The following HPX variants were observed in gnomAD, a reference collection of about 807,000 sequenced individuals.
The protein encoded by HPX is hemopexin, also known as beta-1B-glycoprotein.
In HPX, 42 loss-of-function variants were observed where a neutral mutation model predicts 53.8. That is an observed-to-expected ratio of 0.78 (90% CI 0.61 to 1.01). The LOEUF (loss-of-function observed/expected upper bound fraction) is 1.01. HPX is among the 50% of genes least tolerant of loss of function. The probability of loss-of-function intolerance (pLI) is 0.00; values close to 1 mark genes in which losing one functional copy is unlikely to be tolerated. For synonymous variants in HPX, 229 were observed against 221.1 expected, an observed-to-expected ratio of 1.04 and a Z score of -0.32; for missense variants, 547 against 594.3, an observed-to-expected ratio of 0.92 and a Z score of 0.83.
In HPX at chr11:6,431,702, G is replaced by T; in HGVS notation, c.1068C>A (p.Ile356=). 2 of 1,614,158 alleles carry T rather than the reference G, an allele frequency of 1.2e-6. No homozygotes were observed. The highest frequency in any genetic ancestry group is 1.7e-6 in the Non-Finnish European group (2 of 1,180,016). ...EKEVGTPHGI[I]LDSVDAAFIC... ...TAAAGGCCGCATCCACAGAGTCCAG[G>T]ATAATCCCATGAGGGGTCCCGACTT... The change falls in exon 9 of 10, where the codon ATC becomes ATA. Residue 356 remains isoleucine, a synonymous_variant. Transcript: ENST00000265983.
intron 4 of HPX, 66 bp from the exon 5 acceptor site, chr11:6,438,575 CA>C (rs1849447061): frequency 7.1e-7 from 1 of 1,404,672 alleles, no homozygotes; most frequent in Non-Finnish European, 1.0e-6. Flanking sequence ...CATTTACACA[CA>C]TTTTTTATCT....
Position 6,437,453 on chromosome 11 carries a change from G to T in HPX, c.690C>A (p.Pro230=). Residue 230 remains proline (P), a synonymous_variant, in exon 6 of 10, where the codon CCC becomes CCA. Transcript: ENST00000265983. The part of the protein sequence containing the change: ...YPRDVRDYFM[P]CPGRGHGHRN... ...GGGCTTTCTCACCTCTGCCAGGGCA[G>T]GGCATGAAGTAGTCTCGGACATCCC... The T allele has an allele frequency of 6.2e-7, 1 of 1,613,508 alleles. No homozygotes were observed. The highest frequency in any genetic ancestry group is 1.1e-5 in the South Asian group (1 of 91,054).
rs1849354976 is a variant in HPX at position 6,431,897 on chromosome 11, T to C, written c.956A>G (p.Tyr319Cys). The part of the protein sequence containing the change: ...DAAFSWEEKL[Y>C]LVQGTQVYVF... ...TCCCCCAATACACACCTGGACCAGA[T>C]AGAGTTTTTCTTCCCAGGAAAAGGC... The change falls in exon 8 of 10, where the codon TAT becomes TGT. Residue 319 changes from tyrosine to cysteine, a missense_variant. By Grantham distance (194) the Tyr-to-Cys change is radical. Coordinates refer to ENST00000265983, the MANE Select transcript of HPX (RefSeq NM_000613.3). 3.1e-6 allele frequency: 5 copies of C among 1,613,994 alleles called. No individual in the cohort carries two copies. The highest frequency in any genetic ancestry group is 4.2e-6 in the Non-Finnish European group (5 of 1,180,006).
In HPX at chr11:6,440,280, A is replaced by G; in HGVS notation, c.221T>C (p.Phe74Ser). The G allele has an allele frequency of 6.2e-7, 1 of 1,613,786 alleles. No homozygotes were observed. The highest frequency in any genetic ancestry group is 8.5e-7 in the Non-Finnish European group (1 of 1,180,010). The change falls in exon 4 of 10, where the codon TTT (phenylalanine) becomes TCT (serine). Residue 74 changes from phenylalanine (F) to serine (S), a missense_variant. Physicochemically the swap from Phe to Ser is radical, Grantham distance 155. Coordinates refer to ENST00000265983, the MANE Select transcript of HPX (RefSeq NM_000613.3). ...GTCCCATTTGTGACTCTTCCACACA[A>G]ACTCCCCTGAAAAAACCCACACTCA... ...NGTMLFFKGE[F>S]VWKSHKWDRE... is the part of the protein sequence containing the mutation.
rs138045547 is a variant in HPX at position 6,437,071 on chromosome 11, G to T, written c.810C>A (p.Asn270Lys). 1 of 1,614,092 alleles carries T rather than the reference G, an allele frequency of 6.2e-7. No homozygotes were observed. The highest frequency in any genetic ancestry group is 1.3e-5 in the African/African-American group (1 of 74,924). Reference sequence around the variant, plus strand: ...CACTGAAGGCATAGGTGGCACCATGGTTGTCAGACGTCAGTGCAGACAAGA... The same window carrying T: ...CACTGAAGGCATAGGTGGCACCATGTTTGTCAGACGTCAGTGCAGACAAGA... ...HLVLSALTSD[N>K]HGATYAFSGT... The change falls in exon 7 of 10, where the codon AAC becomes AAA. Residue 270 changes from asparagine (N) to lysine (K), a missense_variant. Transcript: ENST00000265983.
rs759224724 is a variant in HPX, at chr11:6,440,557, G to A, written c.143-19C>T. The A allele has an allele frequency of 2.6e-6, 2 of 775,142 alleles. No homozygotes were observed. Among genetic ancestry groups the A allele is most frequent in the East Asian group, 7.3e-5 (2 of 27,364 alleles). 48.0% of individuals were successfully genotyped at this position (775,142 alleles called of 1,614,324 possible). On this transcript the variant is annotated intron_variant, in intron 2 of 9. Coordinates refer to ENST00000265983, the MANE Select transcript of HPX (RefSeq NM_000613.3). ...CAGCGTTCTGGGGTGGAGGTAGGGA[G>A]ATGGCAAAGTAAAAAAAAAAAAAAA...
Position 6,431,636 on chromosome 11 carries a change from C to T in HPX, c.1129+5G>A. The T allele has an allele frequency of 6.2e-7, 1 of 1,613,340 alleles. No individual in the cohort carries two copies. Among genetic ancestry groups the T allele is most frequent in the Non-Finnish European group, 8.5e-7 (1 of 1,180,004 alleles). Reference sequence around the variant, plus strand: ...CTGCCCTCTAAGCACCCAGAAGCCCCTCACCTGCCATGATATGGAGCCGAG... The same window carrying T: ...CTGCCCTCTAAGCACCCAGAAGCCCTTCACCTGCCATGATATGGAGCCGAG... On this transcript the variant is annotated splice_donor_5th_base_variant and intron_variant, in intron 9 of 9. Coordinates refer to ENST00000265983, the MANE Select transcript of HPX (RefSeq NM_000613.3).
At position 6,440,567 on chromosome 11, in the gene HPX, T is replaced by TAAAAAAAAAAA. The variant is rs71056749; in HGVS notation, c.143-40_143-30dup. On this transcript the variant is annotated intron_variant, in intron 2 of 9. Transcript: ENST00000265983. The stretch of plus-strand genomic sequence containing the variant: ...GGGTGGAGGTAGGGAGATGGCAAAG[T>TAAAAAAAAAAA]AAAAAAAAAAAAAAAAAAAAAAAAA... The TAAAAAAAAAAA allele has an allele frequency of 3.4e-5, 20 of 591,194 alleles. 1 individual carries two copies. The African/African-American group carries it at 3.9e-4, about 12-fold the overall frequency. The allele number at this position is 591,194 out of a possible 1,614,324, so 36.6% of individuals were successfully genotyped here. A position where few individuals can be genotyped will look rare whatever the true frequency, so the allele number is the denominator to read the frequency against.
intron 7 of HPX, among the ~76,000 whole-genome samples, chr11:6,433,020 A>G (rs762086446): frequency 2.0e-5 from 3 of 152,074 alleles, no homozygotes; most frequent in Non-Finnish European, 4.4e-5. Context: ...AAAACCTAAT[A>G]TGCCCAAACT....
chr11:6,437,705 T>C, intron 5 of HPX, 53 bp from the exon 6 acceptor site: 1 of 1,462,934 alleles, frequency 6.8e-7, no homozygotes, highest in Admixed American at 1.7e-5. Flanking sequence ...CGCCCTCCTT[T>C]GTGCTTTCTC....
At position 6,440,694 on chromosome 11, in the gene HPX, G is replaced by C. The variant is rs147342868; in HGVS notation, c.120C>G (p.Thr40=). 135 of 1,613,394 alleles carry C rather than the reference G, an allele frequency of 8.4e-5. No homozygotes were observed. The highest frequency in any genetic ancestry group is 8.2e-4 in the Middle Eastern group (5 of 6,080). ...CACCAGTCACGTCTGGGTCTGGCTT[G>C]GTCTCGCCTTCAGCAACATTCCCAT... ...SAHGNVAEGE[T]KPDPDVTERC... Residue 40 remains threonine (T), a synonymous_variant, in exon 2 of 10, where the codon ACC becomes ACG. Coordinates refer to ENST00000265983, the MANE Select transcript of HPX (RefSeq NM_000613.3).
At chr11:6,439,823 T>G in intron 4 of HPX, 1 of 357,596 alleles carries the variant, frequency 2.8e-6, no homozygotes, top group Non-Finnish European at 5.5e-6. Flanking sequence ...TGCCATTGTG[T>G]TGGGAACAAC....
rs1273599890 is a variant in HPX at position 6,440,541 on chromosome 11, G to C, written c.143-3C>G. 5.5e-6 allele frequency: 8 copies of C among 1,462,820 alleles called. No individual in the cohort carries two copies. The highest frequency in any genetic ancestry group is 7.5e-6 in the Non-Finnish European group (8 of 1,061,468). 90.6% of individuals were successfully genotyped at this position (1,462,820 alleles called of 1,614,324 possible). A position where few individuals can be genotyped will look rare whatever the true frequency, so the allele number is the denominator to read the frequency against. ...GCTCCAGCCATCTGAGCAGCGTTCT[G>C]GGGTGGAGGTAGGGAGATGGCAAAG... On this transcript the variant is annotated splice_region_variant and splice_polypyrimidine_tract_variant and intron_variant, in intron 2 of 9. Coordinates refer to ENST00000265983, the MANE Select transcript of HPX (RefSeq NM_000613.3).
At chr11:6,440,559 T>C in intron 2 of HPX, 21 bp from the exon 3 acceptor site, 9 of 970,634 alleles carry the variant, frequency 9.3e-6, no homozygotes, top group Admixed American at 2.7e-5. Flanking sequence ...GGTAGGGAGA[T>C]GGCAAAGTAA....
intron 6 of HPX, 39 bp downstream of exon 6, chr11:6,437,401 A>G: frequency 6.4e-7 from 1 of 1,568,152 alleles, no homozygotes; most frequent in Non-Finnish European, 8.8e-7. Context: ...GGGAAAGTGG[A>G]TGAATTCTGA....
At chr11:6,436,357 C>T (rs1249692574) in intron 7 of HPX, among the ~76,000 whole-genome samples, 4 of 152,228 alleles carry the variant, frequency 2.6e-5, no homozygotes, top group Admixed American at 1.3e-4. Context: ...ATATTCTCAA[C>T]TGTGCAGCAT....
chr11:6,437,624 A>G lies in HPX; in HGVS notation c.519T>C (p.Ala173=), dbSNP rs1443127890. Residue 173 remains alanine (A), a synonymous_variant, in exon 6 of 10, where the codon GCT becomes GCC. Coordinates refer to ENST00000265983, the MANE Select transcript of HPX (RefSeq NM_000613.3). ...AGGAACGCTCCTTCATGGTTCCCGT[A>G]GCCAAGTCCCAGAACCACTCGCGGT... The part of the protein sequence containing the change: ...QGDREWFWDL[A]TGTMKERSWP... 3 of 1,614,182 alleles carry G rather than the reference A, an allele frequency of 1.9e-6. No individual in the cohort carries two copies. Among genetic ancestry groups the G allele is most frequent in the Non-Finnish European group, 2.5e-6 (3 of 1,180,030 alleles).
intron 7 of HPX, 118 bp downstream of exon 7, chr11:6,436,928 G>C: frequency 8.9e-7 from 1 of 1,117,744 alleles, no homozygotes; most frequent in Non-Finnish European, 1.3e-6. Flanking sequence ...CAGAAGGATG[G>C]GGACAGAGGG....
At chr11:6,439,704 C>A (rs1849460315) in intron 4 of HPX, 1 of 205,146 alleles carries the variant, frequency 4.9e-6, no homozygotes, top group Admixed American at 5.3e-5. Context: ...GCACCTTTGG[C>A]AAGGTAGGAA....
Sources: allele counts gnomAD v4.1 joint callset (sites outside exome capture counted in the v4.1 genomes callset), GRCh38; gene constraint gnomAD v4.1.1; transcripts MANE v1.5; gene names NCBI Gene and HGNC (gene_info 2026-07-23, HGNC 2026-07-21).